The following CDK8 variants were observed in gnomAD, a reference collection of about 807,000 sequenced individuals.
CDK8 encodes cyclin dependent kinase 8, also known as cyclin-dependent kinase 8.
Under a neutral mutation model 71.5 loss-of-function variants are expected in CDK8, and 29 were observed. The observed-to-expected ratio is 0.41, with a 90% CI of 0.30 to 0.55. The LOEUF is 0.55. Ranked by LOEUF, CDK8 falls within the 20% of genes least tolerant of loss-of-function variation. The probability of loss-of-function intolerance (pLI) is 0.37; values close to 1 mark genes in which losing one functional copy is unlikely to be tolerated. For missense variants in CDK8, 288 were observed against 572.6 expected, an observed-to-expected ratio of 0.50 and a Z score of 5.07; for synonymous variants, 161 against 192.1, an observed-to-expected ratio of 0.84 and a Z score of 1.34.
At chr13:26,283,314 A>G (rs1872844738) in intron 1 of CDK8, among the ~76,000 whole-genome samples, 1 of 152,240 alleles carries the variant, frequency 6.6e-6, no homozygotes, top group Admixed American at 6.5e-5. Flanking sequence ...GGTCTCAATA[A>G]ATGCAACAAA....
intron 6 of CDK8, among the ~76,000 whole-genome samples, chr13:26,389,921 C>G (rs890513353): frequency 1.3e-5 from 2 of 152,128 alleles, no homozygotes; most frequent in Admixed American, 6.5e-5. Context: ...TTGCTTGAAC[C>G]TGAGAGGCGG....
At chr13:26,280,893 G>A (rs1872720387) in intron 1 of CDK8, among the ~76,000 whole-genome samples, 1 of 152,216 alleles carries the variant, frequency 6.6e-6, no homozygotes, top group Non-Finnish European at 1.5e-5. Flanking sequence ...CTTGCTCCAG[G>A]AACCACCACA....
chr13:26,393,930 A>G (rs1875869884), intron 7 of CDK8, among the ~76,000 whole-genome samples: 1 of 152,138 alleles, frequency 6.6e-6, no homozygotes, highest in Non-Finnish European at 1.5e-5. Flanking sequence ...TTTGAACCTT[A>G]TTTCTATTTA....
At chr13:26,351,193 A>C (rs1280878404) in intron 3 of CDK8, among the ~76,000 whole-genome samples, 1 of 152,140 alleles carries the variant, frequency 6.6e-6, no homozygotes, top group African/African-American at 2.4e-5. Flanking sequence ...TGCTTTTTAA[A>C]TGATATTTAA....
chr13:26,307,218 C>T (rs954026729), intron 1 of CDK8, among the ~76,000 whole-genome samples: 5 of 152,024 alleles, frequency 3.3e-5, no homozygotes, highest in African/African-American at 1.2e-4. Context: ...TATTAAAGTT[C>T]CAGATGGAAT....
chr13:26,386,654 G>T (rs1875491313), intron 6 of CDK8, among the ~76,000 whole-genome samples: 1 of 152,116 alleles, frequency 6.6e-6, no homozygotes, highest in African/African-American at 2.4e-5. Flanking sequence ...TATCTTAGAG[G>T]TAAATTTTCT....
Position 26,254,593 on chromosome 13 carries a change from C to CG in CDK8, c.-49_-48insG. The CG allele has an allele frequency of 1.1e-5, 14 of 1,244,730 alleles. No individual in the cohort carries two copies. The highest frequency in any genetic ancestry group is 1.4e-5 in the Non-Finnish European group (12 of 883,422). 77.1% of individuals were successfully genotyped at this position (1,244,730 alleles called of 1,614,324 possible). Reference sequence around the variant, plus strand: ...GCCCGTGCTTCCCCGGTCCCCACCCCTGCCCCCCGGCCCCCCGACCCAGCT... The same window carrying CG: ...GCCCGTGCTTCCCCGGTCCCCACCCCGTGCCCCCCGGCCCCCCGACCCAGCT... On this transcript the variant is annotated 5_prime_UTR_variant, in exon 1 of 13. Transcript: ENST00000381527. The surrounding 1 kb of genome is among the most constrained non-coding windows in gnomAD (Gnocchi z 6.7).
At chr13:26,344,261 G>A (rs1873367184) in intron 2 of CDK8, among the ~76,000 whole-genome samples, 1 of 152,160 alleles carries the variant, frequency 6.6e-6, no homozygotes, top group Admixed American at 6.5e-5. Context: ...ATTCCGTGGT[G>A]TATATGTACC....
chr13:26,403,452 CAAAA>C (rs919801009), intron 12 of CDK8, among the ~76,000 whole-genome samples: 1 of 149,690 alleles, frequency 6.7e-6, no homozygotes, highest in African/African-American at 2.5e-5. Flanking sequence ...CACCCTGTCT[CAAAA>C]GAAAAAAAAA....
At chr13:26,362,215 A>G (rs1442727507) in intron 4 of CDK8, among the ~76,000 whole-genome samples, 2 of 144,664 alleles carry the variant, frequency 1.4e-5, no homozygotes, top group African/African-American at 5.2e-5. Flanking sequence ...TGTGGATGAT[A>G]GATGATAGAT....
At chr13:26,324,650 GT>G (rs1874941550) in intron 1 of CDK8, 1 of 157,970 alleles carries the variant, frequency 6.3e-6, no homozygotes, top group Non-Finnish European at 1.4e-5. Flanking sequence ...ATTAATTTCT[GT>G]TTTTAGGGTT....
intron 1 of CDK8, among the ~76,000 whole-genome samples, chr13:26,262,060 A>AT (rs1350043656): frequency 3.9e-5 from 6 of 152,014 alleles, no homozygotes; most frequent in Non-Finnish European, 8.8e-5. Flanking sequence ...TTGTGCTGGA[A>AT]TTTTTTTTGT....
chr13:26,373,293 T>C (rs1483739374), intron 4 of CDK8, among the ~76,000 whole-genome samples: 1 of 152,206 alleles, frequency 6.6e-6, no homozygotes, highest in Non-Finnish European at 1.5e-5. Flanking sequence ...GTCTTCCTTA[T>C]GTGATAGATA....
chr13:26,263,989 C>T (rs1230045342), intron 1 of CDK8, among the ~76,000 whole-genome samples: 6 of 152,054 alleles, frequency 3.9e-5, no homozygotes, highest in African/African-American at 1.4e-4. Flanking sequence ...CCTCGTGATC[C>T]GCCCACCTGG....
intron 1 of CDK8, among the ~76,000 whole-genome samples, chr13:26,308,723 G>A (rs975084156): frequency 5.9e-5 from 9 of 152,156 alleles, no homozygotes; most frequent in Admixed American, 3.3e-4. Context: ...TCTTACAGGC[G>A]TATCTTTTAG....
In CDK8 at chr13:26,401,078, C is replaced by G. The variant is rs940331444; in HGVS notation, c.1032-191C>G. 5.3e-5 allele frequency among the ~76,000 whole-genome samples: 8 copies of G among 152,166 alleles called. No individual in the cohort carries two copies. The highest frequency in any genetic ancestry group is 7.3e-5 in the Non-Finnish European group (5 of 68,046). ...ATCATTTGTATACAGCTCAAGCCCT[C>G]AAGTAGCCTGCTGTAATATTACTAG... On this transcript the variant is annotated intron_variant, in intron 10 of 12. Transcript: ENST00000381527. This position sits in a 1 kb window ranked among gnomAD's most constrained non-coding sequence, Gnocchi z 4.5.
chr13:26,292,636 T>C (rs549228344), intron 1 of CDK8, among the ~76,000 whole-genome samples: 1 of 152,350 alleles, frequency 6.6e-6, no homozygotes, highest in African/African-American at 2.4e-5. Context: ...TAGGTTGTTA[T>C]GTGCTCAGCT....
intron 9 of CDK8, 135 bp from the exon 10 acceptor site, chr13:26,400,318 G>T: frequency 1.5e-6 from 1 of 646,796 alleles, no homozygotes; most frequent in South Asian, 1.9e-5. Context: ...TAGGAGTTTT[G>T]TTGTTAATTT....
In CDK8 at chr13:26,404,336, C is replaced by T. The variant is rs1876414364; in HGVS notation, c.*255C>T. 2 of 407,504 alleles carry T rather than the reference C, an allele frequency of 4.9e-6. No homozygotes were observed. The highest frequency in any genetic ancestry group is 6.7e-5 in the South Asian group (2 of 29,912). The allele number at this position is 407,504 out of a possible 1,614,324, so 25.2% of individuals were successfully genotyped here. ...TTTGCTACTTCCATAGTTTACTTGA[C>T]ATGGTTCAGACTGACCAATGCATTT... On this transcript the variant is annotated 3_prime_UTR_variant, in exon 13 of 13. Coordinates refer to ENST00000381527, the MANE Select transcript of CDK8 (RefSeq NM_001260.3).
Sources: allele counts gnomAD v4.1 joint callset (sites outside exome capture counted in the v4.1 genomes callset), GRCh38; gene constraint gnomAD v4.1.1; non-coding constraint Gnocchi (gnomAD v3.1); transcripts MANE v1.5; gene names NCBI Gene and HGNC (gene_info 2026-07-23, HGNC 2026-07-21).